TGFA: variants seen among roughly 807,000 people sequenced by gnomAD.
TGFA encodes the protein transforming growth factor alpha, also known as protransforming growth factor alpha.
In TGFA, 12 loss-of-function variants were observed where a neutral mutation model predicts 21.7. The ratio of observed to expected loss-of-function variants is 0.55; its 90% confidence interval spans 0.35 to 0.90. TGFA has a LOEUF of 0.90. TGFA is among the 40% of genes least tolerant of loss of function. The pLI is 0.01. For synonymous variants in TGFA, 79 were observed against 88.1 expected (o/e 0.90, Z 0.58); for missense variants, 178 against 210.8 (o/e 0.84, Z 0.96).
intron 2 of TGFA, among the ~76,000 whole-genome samples, chr2:70,492,880 CTT>C: frequency 6.6e-6 from 1 of 152,252 alleles, no homozygotes; most frequent in East Asian, 1.9e-4. Flanking sequence ...TTAAAAAAAA[CTT>C]TACATTTAGT....
At chr2:70,455,618 TAATA>T (rs1424593546) in intron 4 of TGFA, among the ~76,000 whole-genome samples, 1 of 152,220 alleles carries the variant, frequency 6.6e-6, no homozygotes, top group East Asian at 1.9e-4. Flanking sequence ...TGCACCAACC[TAATA>T]AATCCCCTAA....
chr2:70,502,134 C>T (rs996160822), intron 2 of TGFA, among the ~76,000 whole-genome samples: 22 of 152,366 alleles, frequency 1.4e-4, no homozygotes, highest in African/African-American at 5.3e-4. Flanking sequence ...GATGTTCCTC[C>T]TGAATCTTGT....
chr2:70,468,657 T>C (rs1448207539), intron 2 of TGFA, among the ~76,000 whole-genome samples: 2 of 152,152 alleles, frequency 1.3e-5, no homozygotes, highest in African/African-American at 2.4e-5. Context: ...TAGATTCTCA[T>C]AGGAGCGGGA....
chr2:70,491,170 C>A (rs1234603431), intron 2 of TGFA, among the ~76,000 whole-genome samples: 1 of 152,178 alleles, frequency 6.6e-6, no homozygotes, highest in Non-Finnish European at 1.5e-5. Flanking sequence ...AGCAAGTTTG[C>A]TGAGATTGGG....
intron 2 of TGFA, among the ~76,000 whole-genome samples, chr2:70,494,439 A>G (rs1175072993): frequency 1.3e-5 from 2 of 152,164 alleles, no homozygotes; most frequent in African/African-American, 2.4e-5. Context: ...AGTTTTCCTG[A>G]TAAGTATCTG....
At chr2:70,550,103 G>T (rs1172574407) in intron 1 of TGFA, among the ~76,000 whole-genome samples, 1 of 152,202 alleles carries the variant, frequency 6.6e-6, no homozygotes, top group East Asian at 1.9e-4. Flanking sequence ...CAGGGAAGGT[G>T]ATCTATTTCG....
rs548586340 is a variant in TGFA at position 70,484,562 on chromosome 2, A to G, written c.95-18826T>C. On this transcript the variant is annotated intron_variant, in intron 2 of 5. Coordinates refer to ENST00000295400, the MANE Select transcript of TGFA (RefSeq NM_003236.4). ...CTTTTAGGGAATTACCTCTTCCCCT[A>G]CAGGTTTACATTGGCTTATCACCAT... Among the ~76,000 whole-genome samples, 3 of 152,336 alleles carry G rather than the reference A, an allele frequency of 2.0e-5. No individual in the cohort carries two copies. In the South Asian group the frequency reaches 6.2e-4, roughly 32 times the overall value.
In TGFA at chr2:70,479,170, G is replaced by T. The variant is rs555915313; in HGVS notation, c.95-13434C>A. Among the ~76,000 whole-genome samples, 5 of 152,202 alleles carry T rather than the reference G, an allele frequency of 3.3e-5. No individual in the cohort carries two copies. The South Asian group carries it at 1.0e-3, about 32-fold the overall frequency. On this transcript the variant is annotated intron_variant, in intron 2 of 5. Transcript: ENST00000295400. ...AAAAAATTATATCCTCCCCATTTGG[G>T]GGTTTTTATCTTGATATAGCTGTTA... is the stretch of plus-strand genomic sequence containing the variant.
At chr2:70,475,522 G>A (rs935707859) in intron 2 of TGFA, among the ~76,000 whole-genome samples, 2 of 152,144 alleles carry the variant, frequency 1.3e-5, no homozygotes, top group African/African-American at 2.4e-5. Context: ...GGCATGGTGC[G>A]TGTGTGGATG....
At chr2:70,539,256 C>A (rs12463834) in intron 1 of TGFA, among the ~76,000 whole-genome samples, 17,382 of 152,014 alleles carry the variant, frequency 0.11, 1,389 homozygotes, top group South Asian at 0.28. Context: ...TGTGGTGGCC[C>A]GGAGCTGGGC....
chr2:70,527,787 T>A (rs1239621376), intron 1 of TGFA, among the ~76,000 whole-genome samples: 1 of 152,210 alleles, frequency 6.6e-6, no homozygotes, highest in African/African-American at 2.4e-5. Context: ...TCTAAAAAAG[T>A]ATTCTATTAC....
intron 2 of TGFA, among the ~76,000 whole-genome samples, chr2:70,507,499 G>A (rs1671962773): frequency 6.6e-6 from 1 of 152,100 alleles, no homozygotes; most frequent in Non-Finnish European, 1.5e-5. Context: ...ATTTTAAAGG[G>A]CTACATAGTA....
At chr2:70,465,166 C>A (rs949828950) in intron 3 of TGFA, among the ~76,000 whole-genome samples, 6 of 152,182 alleles carry the variant, frequency 3.9e-5, no homozygotes, top group African/African-American at 1.4e-4. Flanking sequence ...ACTAGCCCTT[C>A]ACCTGCACTT....
chr2:70,550,556 C>T (rs1238971708), intron 1 of TGFA, among the ~76,000 whole-genome samples: 1 of 152,110 alleles, frequency 6.6e-6, no homozygotes, highest in African/African-American at 2.4e-5. Context: ...CACGGTGGCT[C>T]ACGCCTGTAA....
intron 2 of TGFA, among the ~76,000 whole-genome samples, chr2:70,470,505 C>T (rs1174700990): frequency 5.3e-5 from 8 of 152,298 alleles, no homozygotes; most frequent in African/African-American, 1.4e-4. Context: ...TCTTCTTCTG[C>T]GGGTGTTTTT....
At chr2:70,486,645 T>C (rs1553496745) in intron 2 of TGFA, among the ~76,000 whole-genome samples, 1 of 151,998 alleles carries the variant, frequency 6.6e-6, no homozygotes, top group East Asian at 1.9e-4. Context: ...TGTTTTTTTG[T>C]AGAGATGAGG....
chr2:70,482,242 T>C (rs2103758990), intron 2 of TGFA, among the ~76,000 whole-genome samples: 1 of 152,266 alleles, frequency 6.6e-6, no homozygotes, highest in East Asian at 1.9e-4. Flanking sequence ...ACGTACTACC[T>C]AAGTTAATTC....
Position 70,504,483 on chromosome 2 carries a change from TACACACAC to T in TGFA, c.94+10368_94+10375del, listed in dbSNP as rs58997765. Among the ~76,000 whole-genome samples the T allele has an allele frequency of 5.6e-4, 52 of 92,068 alleles. No individual in the cohort carries two copies. In the East Asian group the frequency reaches 5.7e-3, roughly 10 times the overall value. 60.4% of individuals were successfully genotyped at this position (92,068 alleles called of 152,430 possible). Reference sequence around the variant, plus strand: ...ATATATACACACATACATACATACATACACACACACACACACACACACACACACACACA... The same window carrying T: ...ATATATACACACATACATACATACATACACACACACACACACACACACACA... On this transcript the variant is annotated intron_variant, in intron 2 of 5. Coordinates refer to ENST00000295400, the MANE Select transcript of TGFA (RefSeq NM_003236.4).
intron 1 of TGFA, 98 bp from the exon 2 acceptor site, chr2:70,515,010 G>T: frequency 1.7e-6 from 2 of 1,167,078 alleles, no homozygotes; most frequent in African/African-American, 1.5e-5. Context: ...GCAAAGGTTC[G>T]GTAGTTTCAC....
Sources: allele counts gnomAD v4.1 joint callset (sites outside exome capture counted in the v4.1 genomes callset), GRCh38; gene constraint gnomAD v4.1.1; transcripts MANE v1.5; gene names NCBI Gene and HGNC (gene_info 2026-07-23, HGNC 2026-07-21).